The following CRIM1 variants were observed in gnomAD, a reference collection of about 807,000 sequenced individuals.
CRIM1 encodes cysteine rich transmembrane BMP regulator 1, also known as cysteine-rich motor neuron 1 protein.
A neutral mutation model predicts 116.4 loss-of-function variants in CRIM1; 32 were observed. The observed-to-expected ratio is 0.27, with a 90% CI of 0.21 to 0.37. The LOEUF is 0.37. CRIM1 is among the 10% of genes least tolerant of loss of function. The probability of loss-of-function intolerance (pLI) is 1.00; values close to 1 mark genes in which losing one functional copy is unlikely to be tolerated. For synonymous variants in CRIM1, 590 were observed against 509.2 expected, an observed-to-expected ratio of 1.16 and a Z score of -2.13; for missense variants, 1,331 against 1,354.8, an observed-to-expected ratio of 0.98 and a Z score of 0.28.
Position 36,548,682 on chromosome 2 carries a change from A to G in CRIM1, c.3092A>G (p.Asn1031Ser), listed in dbSNP as rs762548595. The G allele has an allele frequency of 3.8e-5, 60 of 1,596,144 alleles. 1 individual carries two copies. The South Asian group carries it at 5.7e-4, about 15-fold the overall frequency. Residue 1031 changes from asparagine (N) to serine (S), a missense_variant, in exon 17 of 17, where the codon AAT becomes AGT. Coordinates refer to ENST00000280527, the MANE Select transcript of CRIM1 (RefSeq NM_016441.3). ...MQKQNHLQAD[N>S]FYQTV Reference sequence around the variant, plus strand: ...AAACAGAACCATCTACAGGCAGACAATTTCTACCAAACAGTGTGAAGAAAG... The same window carrying G: ...AAACAGAACCATCTACAGGCAGACAGTTTCTACCAAACAGTGTGAAGAAAG...
At chr2:36,419,937 T>C (rs940888000) in intron 2 of CRIM1, among the ~76,000 whole-genome samples, 2 of 152,184 alleles carry the variant, frequency 1.3e-5, no homozygotes, top group African/African-American at 4.8e-5. Flanking sequence ...GGCCCTGTGA[T>C]GTGATTGTTT....
chr2:36,376,700 G>T (rs1453671937), intron 1 of CRIM1, among the ~76,000 whole-genome samples: 2 of 152,162 alleles, frequency 1.3e-5, no homozygotes, highest in Admixed American at 1.3e-4. Context: ...TCATTGTCTG[G>T]ATCTCCTTTA....
At chr2:36,546,318 A>G (rs1667325483) in intron 15 of CRIM1, among the ~76,000 whole-genome samples, 1 of 152,152 alleles carries the variant, frequency 6.6e-6, no homozygotes, top group South Asian at 2.1e-4. Flanking sequence ...ATTTTAAAAG[A>G]ACATAAAGGT....
At chr2:36,474,674 A>G (rs959221483) in intron 5 of CRIM1, among the ~76,000 whole-genome samples, 3 of 151,818 alleles carry the variant, frequency 2.0e-5, no homozygotes, top group Non-Finnish European at 4.4e-5. Flanking sequence ...CCTGGCCAAC[A>G]TGGTCTTTAC....
At chr2:36,471,532 G>T (rs1451669700) in intron 5 of CRIM1, among the ~76,000 whole-genome samples, 1 of 152,130 alleles carries the variant, frequency 6.6e-6, no homozygotes, top group African/African-American at 2.4e-5. Context: ...TCAGATGATC[G>T]TTAGCAGTTT....
At chr2:36,372,161 A>C (rs1205872046) in intron 1 of CRIM1, among the ~76,000 whole-genome samples, 1 of 152,190 alleles carries the variant, frequency 6.6e-6, no homozygotes, top group African/African-American at 2.4e-5. Context: ...TCCTAAGCCA[A>C]CAACCTGAGG....
chr2:36,456,050 C>T (rs1038793583), intron 4 of CRIM1, among the ~76,000 whole-genome samples: 11 of 152,094 alleles, frequency 7.2e-5, no homozygotes, highest in South Asian at 2.1e-4. Flanking sequence ...ATGGTTCTGG[C>T]GGCCTGAAGG....
At chr2:36,532,179 G>A (rs556426517) in intron 13 of CRIM1, among the ~76,000 whole-genome samples, 2 of 152,228 alleles carry the variant, frequency 1.3e-5, no homozygotes, top group Non-Finnish European at 2.9e-5. Flanking sequence ...GGACGCCATC[G>A]CAAGAGGAAA....
Position 36,548,980 on chromosome 2 carries a change from T to G in CRIM1, c.*279T>G. The stretch of plus-strand genomic sequence containing the variant: ...AAGATAGCTGTAGAGATATTTGGGG[T>G]GGGGACAGTGAGTTTGGATGGGGAA... On this transcript the variant is annotated 3_prime_UTR_variant, in exon 17 of 17. Coordinates refer to ENST00000280527, the MANE Select transcript of CRIM1 (RefSeq NM_016441.3). 5.0e-6 allele frequency: 1 copy of G among 199,760 alleles called. No homozygotes were observed. The highest frequency in any genetic ancestry group is 1.0e-5 in the Non-Finnish European group (1 of 98,980). 12.4% of individuals were successfully genotyped at this position (199,760 alleles called of 1,614,324 possible). A position where few individuals can be genotyped will look rare whatever the true frequency, so the allele number is the denominator to read the frequency against.
intron 1 of CRIM1, 26 bp from the exon 2 acceptor site, chr2:36,396,588 T>A (rs762539066): frequency 2.0e-6 from 3 of 1,516,098 alleles, no homozygotes; most frequent in East Asian, 4.7e-5. Flanking sequence ...CAAACACACA[T>A]TATCTGGTTG....
At chr2:36,407,848 T>G (rs568454438) in intron 2 of CRIM1, among the ~76,000 whole-genome samples, 4 of 152,224 alleles carry the variant, frequency 2.6e-5, no homozygotes, top group Non-Finnish European at 4.4e-5. Flanking sequence ...CAGTTGACAT[T>G]TAGAGTGATA....
chr2:36,506,175 TCTCTCTCA>T (rs1236292316), intron 8 of CRIM1, among the ~76,000 whole-genome samples: 9 of 84,576 alleles, frequency 1.1e-4, no homozygotes, highest in Admixed American at 3.6e-4. Context: ...TCTCTCTCTC[TCTCTCTCA>T]CACACACACA....
At chr2:36,531,068 A>G (rs558587949) in intron 13 of CRIM1, among the ~76,000 whole-genome samples, 6 of 152,350 alleles carry the variant, frequency 3.9e-5, no homozygotes, top group African/African-American at 1.4e-4. Context: ...AGTGAGACTT[A>G]TTCTGAGATT....
chr2:36,548,740 C>A lies in CRIM1; in HGVS notation c.*39C>A. The A allele has an allele frequency of 6.7e-7, 1 of 1,501,670 alleles. No individual in the cohort carries two copies. The highest frequency in any genetic ancestry group is 9.0e-7 in the Non-Finnish European group (1 of 1,114,656). The allele number at this position is 1,501,670 out of a possible 1,614,324, so 93.0% of individuals were successfully genotyped here. On this transcript the variant is annotated 3_prime_UTR_variant, in exon 17 of 17. Transcript: ENST00000280527. ...GGATGAGGTTTCAAAAGACGGAAGACGACTAAATCTGCTCTAAAAAGTAAA... is the reference window on the plus strand; with the variant it reads ...GGATGAGGTTTCAAAAGACGGAAGAAGACTAAATCTGCTCTAAAAAGTAAA...
chr2:36,393,617 G>A (rs1417212130), intron 1 of CRIM1, among the ~76,000 whole-genome samples: 4 of 152,130 alleles, frequency 2.6e-5, no homozygotes, highest in African/African-American at 7.2e-5. Context: ...AGATGTTTGC[G>A]GGAGCATAGA....
chr2:36,379,478 T>A (rs1373908594), intron 1 of CRIM1, among the ~76,000 whole-genome samples: 4 of 152,208 alleles, frequency 2.6e-5, no homozygotes, highest in Non-Finnish European at 5.9e-5. Context: ...AATCAGGCAC[T>A]TTTATTTCAG....
chr2:36,375,014 G>A (rs528769518), intron 1 of CRIM1, among the ~76,000 whole-genome samples: 1 of 150,676 alleles, frequency 6.6e-6, no homozygotes, highest in Admixed American at 6.6e-5. Flanking sequence ...TTTTTTTGTA[G>A]CATATTATTA....
chr2:36,403,888 C>CAG (rs963369699), intron 2 of CRIM1, among the ~76,000 whole-genome samples: 1 of 152,048 alleles, frequency 6.6e-6, no homozygotes, highest in African/African-American at 2.4e-5. Context: ...GTCTGGAACT[C>CAG]AGAGAGAGAT....
chr2:36,464,801 G>A, intron 5 of CRIM1, 146 bp downstream of exon 5: 1 of 874,620 alleles, frequency 1.1e-6, no homozygotes. Context: ...GTTTGCTTAA[G>A]ATCCACAGTG....
Sources: gnomAD v4.1 joint callset for allele counts (sites outside exome capture counted in the v4.1 genomes callset) on GRCh38, gnomAD v4.1.1 for gene constraint, MANE v1.5 for transcripts, NCBI Gene and HGNC (gene_info 2026-07-23, HGNC 2026-07-21) for gene names.